Variants in NKAIN2 observed in about 807,000 individuals in gnomAD.
NKAIN2 encodes the protein sodium/potassium-transporting ATPase subunit beta-1-interacting protein 2.
In NKAIN2, 14 loss-of-function variants were observed where a neutral mutation model predicts 32.6. The observed-to-expected ratio is 0.43, with a 90% CI of 0.28 to 0.67. The LOEUF is 0.67. Among genes scored for constraint, NKAIN2 ranks in the 30% least tolerant of loss-of-function variants. The pLI is 0.17. For synonymous variants in NKAIN2, 80 were observed against 87.2 expected (o/e 0.92, Z 0.46); for missense variants, 198 against 258.3 (o/e 0.77, Z 1.60).
intron 3 of NKAIN2, among the ~76,000 whole-genome samples, chr6:124,356,633 G>T (rs1418284028): frequency 6.6e-6 from 1 of 152,102 alleles, no homozygotes; most frequent in Non-Finnish European, 1.5e-5. Context: ...TCAGGAAGGT[G>T]CCGTGACCAA....
chr6:124,078,342 A>AT (rs1399761602), intron 1 of NKAIN2, among the ~76,000 whole-genome samples: 3 of 150,026 alleles, frequency 2.0e-5, no homozygotes, highest in African/African-American at 7.6e-5. Context: ...AGTTAAATCT[A>AT]TTTTTAAATC....
intron 2 of NKAIN2, among the ~76,000 whole-genome samples, chr6:124,350,228 AG>A (rs1248031881): frequency 6.6e-6 from 1 of 152,192 alleles, no homozygotes; most frequent in Non-Finnish European, 1.5e-5. Flanking sequence ...GCAACAGGGA[AG>A]AAGTTTGTAC....
intron 3 of NKAIN2, among the ~76,000 whole-genome samples, chr6:124,431,208 GC>G (rs1775204785): frequency 6.6e-6 from 1 of 152,118 alleles, no homozygotes; most frequent in Non-Finnish European, 1.5e-5. Context: ...GCATCCAGGG[GC>G]TTGTTTGATG....
intron 3 of NKAIN2, among the ~76,000 whole-genome samples, chr6:124,454,110 G>T (rs866873628): frequency 1.2e-4 from 17 of 145,800 alleles, no homozygotes; most frequent in Admixed American, 4.8e-4. Context: ...TTTTTTTGGG[G>T]GGGGGGGTTG....
chr6:124,595,080 G>C (rs1397753016), intron 3 of NKAIN2, among the ~76,000 whole-genome samples: 2 of 152,190 alleles, frequency 1.3e-5, no homozygotes, highest in African/African-American at 4.8e-5. Flanking sequence ...GAATAAAAGA[G>C]CTGTCTAGGT....
intron 1 of NKAIN2, among the ~76,000 whole-genome samples, chr6:123,993,957 A>G (rs1461213040): frequency 1.3e-5 from 2 of 152,162 alleles, no homozygotes; most frequent in African/African-American, 2.4e-5. Context: ...CTTCTGTAGC[A>G]TTGTAATGGC....
At chr6:124,017,067 A>G (rs138519043) in intron 1 of NKAIN2, among the ~76,000 whole-genome samples, 8 of 152,338 alleles carry the variant, frequency 5.3e-5, no homozygotes, top group African/African-American at 1.9e-4. Flanking sequence ...TAATAGACTC[A>G]TGATTCCACA....
intron 4 of NKAIN2, among the ~76,000 whole-genome samples, chr6:124,709,137 A>C (rs1476818784): frequency 2.2e-5 from 3 of 138,972 alleles, no homozygotes; most frequent in Non-Finnish European, 3.1e-5. Context: ...ATGCTGGATT[A>C]CATTTATTGA....
intron 1 of NKAIN2, among the ~76,000 whole-genome samples, chr6:123,842,574 A>G (rs1774917435): frequency 1.3e-5 from 2 of 152,200 alleles, no homozygotes; most frequent in Non-Finnish European, 2.9e-5. Context: ...TATATAAATA[A>G]TAAGATTGAT....
At chr6:124,669,723 A>G (rs1309039691) in intron 4 of NKAIN2, among the ~76,000 whole-genome samples, 1 of 152,054 alleles carries the variant, frequency 6.6e-6, no homozygotes, top group African/African-American at 2.4e-5. Context: ...GACTTCTTAA[A>G]TTCTCCTCTT....
chr6:124,573,661 C>T (rs537974683), intron 3 of NKAIN2, among the ~76,000 whole-genome samples: 7 of 152,126 alleles, frequency 4.6e-5, no homozygotes, highest in South Asian at 2.1e-4. Context: ...AATAATGTAG[C>T]GCAGCCCCCA....
intron 1 of NKAIN2, among the ~76,000 whole-genome samples, chr6:124,146,793 GC>G (rs1260591040): frequency 6.6e-6 from 1 of 151,994 alleles, no homozygotes; most frequent in Non-Finnish European, 1.5e-5. Context: ...ATTAAATCTG[GC>G]AAAACTAAAT....
chr6:124,164,561 A>G lies in NKAIN2; in HGVS notation c.55-118444A>G, dbSNP rs78424798. Among the ~76,000 whole-genome samples, 589 of 152,148 alleles carry G rather than the reference A, an allele frequency of 3.9e-3. 1 individual carries two copies. Among genetic ancestry groups the G allele is most frequent in the African/African-American group, 0.013 (543 of 41,536 alleles). On this transcript the variant is annotated intron_variant, in intron 1 of 6. Transcript: ENST00000368417. ...GGTGGTGGTGTCTAATTCGATTCCA[A>G]GTTTTAAGAAGTTGCACAACATCCA...
At chr6:124,267,285 C>G (rs867961156) in intron 1 of NKAIN2, among the ~76,000 whole-genome samples, 1 of 151,932 alleles carries the variant, frequency 6.6e-6, no homozygotes, top group Non-Finnish European at 1.5e-5. Flanking sequence ...TGAAAGATAT[C>G]AAAAATGCTA....
chr6:123,921,583 C>T lies in NKAIN2; in HGVS notation c.54+117329C>T, dbSNP rs148016227. The stretch of plus-strand genomic sequence containing the variant: ...GTTTTAGCGTTCATTACTCAGAGGG[C>T]GTAATTCTGTGTTTTTCACTGTTCT... On this transcript the variant is annotated intron_variant, in intron 1 of 6. Transcript: ENST00000368417. Among the ~76,000 whole-genome samples, 27 of 152,186 alleles carry T rather than the reference C, an allele frequency of 1.8e-4. No homozygotes were observed. In the East Asian group the frequency reaches 2.9e-3, roughly 16 times the overall value.
intron 1 of NKAIN2, among the ~76,000 whole-genome samples, chr6:124,099,425 G>T (rs115549344): frequency 6.6e-6 from 1 of 152,184 alleles, no homozygotes; most frequent in African/African-American, 2.4e-5. Flanking sequence ...CAAAATTGCT[G>T]TCTATCTAGA....
chr6:123,922,943 T>C (rs1775821925), intron 1 of NKAIN2, among the ~76,000 whole-genome samples: 1 of 152,208 alleles, frequency 6.6e-6, no homozygotes, highest in Non-Finnish European at 1.5e-5. Flanking sequence ...TGTAATTATT[T>C]TTGTAGCTAG....
rs1583204560 is a variant in NKAIN2 at position 124,409,218 on chromosome 6, T to G, written c.273+53871T>G. On this transcript the variant is annotated intron_variant, in intron 3 of 6. Coordinates refer to ENST00000368417, the MANE Select transcript of NKAIN2 (RefSeq NM_001040214.3). ...CCTGCCTGATTGCCCTGGCCAGAAC[T>G]TCCAACACTATGTTGAATAGGAGTG... 1.3e-5 allele frequency among the ~76,000 whole-genome samples: 2 copies of G among 152,270 alleles called. 1 individual carries two copies. The highest frequency in any genetic ancestry group is 3.9e-4 in the East Asian group (2 of 5,174).
intron 5 of NKAIN2, among the ~76,000 whole-genome samples, chr6:124,817,302 G>A (rs141925532): frequency 2.6e-5 from 4 of 151,998 alleles, no homozygotes; most frequent in African/African-American, 9.7e-5. Context: ...TGTGACCCAA[G>A]ACAATTCTTC....
Sources: gnomAD v4.1 joint callset for allele counts (sites outside exome capture counted in the v4.1 genomes callset) on GRCh38, gnomAD v4.1.1 for gene constraint, MANE v1.5 for transcripts, NCBI Gene and HGNC (gene_info 2026-07-23, HGNC 2026-07-21) for gene names.